The following PDE4D variants were observed in gnomAD, a reference collection of about 807,000 sequenced individuals.
The protein encoded by PDE4D is phosphodiesterase 4D.
A neutral mutation model predicts 87.4 loss-of-function variants in PDE4D; 24 were observed. The ratio of observed to expected loss-of-function variants is 0.27; its 90% CI spans 0.20 to 0.39. The LOEUF is 0.39. PDE4D is among the 10% of genes least tolerant of loss of function. The pLI is 1.00. For missense variants in PDE4D, 714 were observed against 1,041.0 expected (o/e 0.69, Z 4.32); for synonymous variants, 384 against 383.2 (o/e 1.00, Z -0.02).
Position 58,974,696 on chromosome 5 carries a change from A to G in PDE4D, c.2398T>C (p.Cys800Arg). 1.2e-6 allele frequency: 2 copies of G among 1,604,338 alleles called. No individual in the cohort carries two copies. Among genetic ancestry groups the G allele is most frequent in the Non-Finnish European group, 8.5e-7 (1 of 1,174,634 alleles). The change falls in exon 15 of 15, where the codon TGT becomes CGT. Residue 800 changes from cysteine (C) to arginine (R), a missense_variant. Transcript: ENST00000340635. ...TCAGGAGAACGATCATCTATGACAC[A>G]GGCTTCAGGCTGGCTTTCCTCTTCT... ...GEEEESQPEA[C>R]VIDDRSPDT
chr5:60,105,267 G>A (rs1439154258), intron 2 of PDE4D, among the ~76,000 whole-genome samples: 1 of 152,106 alleles, frequency 6.6e-6, no homozygotes, highest in African/African-American at 2.4e-5. Flanking sequence ...TATCAGTGAT[G>A]GAAGATGAAA....
At chr5:59,081,371 T>C (rs1054846293) in intron 5 of PDE4D, among the ~76,000 whole-genome samples, 1 of 152,070 alleles carries the variant, frequency 6.6e-6, no homozygotes, top group African/African-American at 2.4e-5. Flanking sequence ...TGTTGTTCAG[T>C]TATGCTTTCT....
intron 2 of PDE4D, among the ~76,000 whole-genome samples, chr5:60,025,990 A>C (rs1561993476): frequency 6.6e-6 from 1 of 152,188 alleles, no homozygotes; most frequent in South Asian, 2.1e-4. Context: ...TTTTTCCCTC[A>C]AAGTCAGAAC....
At chr5:60,205,775 T>C (rs1015346200) in intron 1 of PDE4D, among the ~76,000 whole-genome samples, 1 of 150,814 alleles carries the variant, frequency 6.6e-6, no homozygotes, top group Admixed American at 6.6e-5. Flanking sequence ...GTGCCTGTAG[T>C]ACTCGGGAGG....
At chr5:59,837,974 G>A (rs1388665518) in intron 1 of PDE4D, among the ~76,000 whole-genome samples, 1 of 152,008 alleles carries the variant, frequency 6.6e-6, no homozygotes, top group Admixed American at 6.6e-5. Flanking sequence ...TAACAACACT[G>A]CTCAGTAATG....
intron 1 of PDE4D, among the ~76,000 whole-genome samples, chr5:60,283,233 CTTCTA>C (rs1752109457): frequency 2.6e-5 from 4 of 152,100 alleles, no homozygotes; most frequent in Admixed American, 2.6e-4. Context: ...TTATCTCCCT[CTTCTA>C]TTAGAAGTAT....
rs1756339525 is a variant in PDE4D, at chr5:60,322,177, G to T, written c.-89-136490C>A. Among the ~76,000 whole-genome samples, 8 of 152,046 alleles carry T rather than the reference G, an allele frequency of 5.3e-5. No individual in the cohort carries two copies. The South Asian group carries it at 1.5e-3, about 28-fold the overall frequency. On this transcript the variant is annotated intron_variant, in intron 1 of 16. Transcript: ENST00000502484. The stretch of plus-strand genomic sequence containing the variant: ...CCTAAATGTCCATCAGTGGTGGACT[G>T]CATAAAGAAAATGTGCTATATATAC...
intron 1 of PDE4D, among the ~76,000 whole-genome samples, chr5:60,300,574 G>A (rs1203625957): frequency 6.6e-6 from 1 of 151,986 alleles, no homozygotes; most frequent in Non-Finnish European, 1.5e-5. Flanking sequence ...GTTAATTTTT[G>A]TATATGGTGT....
At chr5:59,071,581 G>T (rs1580646951) in intron 5 of PDE4D, among the ~76,000 whole-genome samples, 2 of 141,158 alleles carry the variant, frequency 1.4e-5, no homozygotes, top group Non-Finnish European at 1.5e-5. Flanking sequence ...TTTGTTTCGT[G>T]GAAGCAATGT....
At chr5:60,223,487 T>C (rs1744737043) in intron 1 of PDE4D, among the ~76,000 whole-genome samples, 3 of 152,090 alleles carry the variant, frequency 2.0e-5, no homozygotes, top group Admixed American at 2.0e-4. Context: ...GCAGAAGTGG[T>C]TCATCAGGCT....
chr5:60,059,124 T>C (rs1473105318), intron 2 of PDE4D, among the ~76,000 whole-genome samples: 2 of 151,228 alleles, frequency 1.3e-5, no homozygotes, highest in South Asian at 2.1e-4. Flanking sequence ...ACAGTAATGG[T>C]GGATACATGA....
intron 1 of PDE4D, among the ~76,000 whole-genome samples, chr5:59,841,795 G>A (rs1049623691): frequency 6.6e-6 from 1 of 152,016 alleles, no homozygotes; most frequent in African/African-American, 2.4e-5. Flanking sequence ...TAACCAGATT[G>A]GGGGAGGTAA....
intron 1 of PDE4D, among the ~76,000 whole-genome samples, chr5:59,367,562 T>C (rs1486473370): frequency 6.6e-6 from 1 of 152,208 alleles, no homozygotes; most frequent in African/African-American, 2.4e-5. Flanking sequence ...GTAAAGACTT[T>C]TGAATCATAT....
At chr5:60,138,125 T>C (rs1363078755) in intron 2 of PDE4D, among the ~76,000 whole-genome samples, 1 of 152,160 alleles carries the variant, frequency 6.6e-6, no homozygotes, top group African/African-American at 2.4e-5. Context: ...GGGTTCTCTA[T>C]TCTTTTTCTC....
chr5:60,113,260 G>C (rs553335527), intron 2 of PDE4D, among the ~76,000 whole-genome samples: 2 of 152,134 alleles, frequency 1.3e-5, no homozygotes, highest in East Asian at 3.9e-4. Context: ...TAAGAAAATA[G>C]AAGAAACTTA....
chr5:59,486,779 T>C (rs1046542214), intron 1 of PDE4D, among the ~76,000 whole-genome samples: 4 of 152,204 alleles, frequency 2.6e-5, no homozygotes, highest in Non-Finnish European at 5.9e-5. Flanking sequence ...ACATGGCCTA[T>C]GGAGCGTTAA....
intron 1 of PDE4D, among the ~76,000 whole-genome samples, chr5:59,380,332 T>C (rs1785520496): frequency 9.6e-6 from 1 of 103,870 alleles, no homozygotes; most frequent in Non-Finnish European, 2.0e-5. Context: ...TGAAAAAAAA[T>C]CCCATCATAT....
chr5:59,220,006 C>T (rs1752126893), intron 1 of PDE4D, among the ~76,000 whole-genome samples: 1 of 152,038 alleles, frequency 6.6e-6, no homozygotes, highest in South Asian at 2.1e-4. Flanking sequence ...TAGTGGGGAC[C>T]TATAAAAATG....
chr5:59,303,374 G>A (rs748076680), intron 1 of PDE4D, among the ~76,000 whole-genome samples: 4 of 152,074 alleles, frequency 2.6e-5, no homozygotes, highest in Admixed American at 2.6e-4. Flanking sequence ...CTTTTGCCCT[G>A]CAAAAGCTCG....
Sources: gnomAD v4.1 joint callset for allele counts (sites outside exome capture counted in the v4.1 genomes callset) on GRCh38, gnomAD v4.1.1 for gene constraint, MANE v1.5 for transcripts, NCBI Gene and HGNC (gene_info 2026-07-23, HGNC 2026-07-21) for gene names.